The following AFAP1L2 variants were observed in gnomAD, a reference collection of about 807,000 sequenced individuals.
AFAP1L2 encodes the protein actin filament-associated protein 1-like 2.
A neutral mutation model predicts 99.3 loss-of-function variants in AFAP1L2; 46 were observed. The ratio of observed to expected loss-of-function variants is 0.46; its 90% CI spans 0.37 to 0.59. The LOEUF (loss-of-function observed/expected upper bound fraction) is 0.59. Among genes scored for constraint, AFAP1L2 ranks in the 20% least tolerant of loss-of-function variants. The probability of loss-of-function intolerance (pLI) is 0.00; values close to 1 mark genes in which losing one functional copy is unlikely to be tolerated. For missense variants in AFAP1L2, 959 were observed against 1,034.9 expected, an observed-to-expected ratio of 0.93 and a Z score of 1.01; for synonymous variants, 397 against 419.1, an observed-to-expected ratio of 0.95 and a Z score of 0.64.
chr10:114,289,461 G>C, the AFAP1L2 span: 3 of 1,614,238 alleles, frequency 1.9e-6, no homozygotes, highest in South Asian at 2.2e-5. Context: ...GGTACCACCA[G>C]GACGTGCTCA....
the AFAP1L2 span, chr10:114,281,851 T>C: frequency 1.4e-6 from 1 of 690,474 alleles, no homozygotes; most frequent in Non-Finnish European, 1.8e-6. Flanking sequence ...GAAAGTAACA[T>C]GTCTGTGGTC....
intron 2 of AFAP1L2, among the ~76,000 whole-genome samples, chr10:114,338,807 T>C (rs373293440): frequency 2.0e-5 from 3 of 152,344 alleles, no homozygotes; most frequent in East Asian, 3.9e-4. Flanking sequence ...TATCTTGTTT[T>C]GGGTGATCAG....
At chr10:114,314,626 C>T (rs925109531) in intron 6 of AFAP1L2, among the ~76,000 whole-genome samples, 1 of 152,134 alleles carries the variant, frequency 6.6e-6, no homozygotes, top group South Asian at 2.1e-4. Flanking sequence ...AACATTGGCA[C>T]GGAGCAGGGC....
chr10:114,286,178 A>G, the AFAP1L2 span: 1 of 1,614,064 alleles, frequency 6.2e-7, no homozygotes, highest in East Asian at 2.2e-5. Flanking sequence ...CCTCGATGGC[A>G]TTCCCTTCCG....
downstream of AFAP1L2, chr10:114,290,260 C>G: frequency 1.3e-6 from 2 of 1,550,574 alleles, no homozygotes; most frequent in South Asian, 2.4e-5. Flanking sequence ...GCCAGTCAAC[C>G]TCTGCAAACC....
downstream of AFAP1L2, among the ~76,000 whole-genome samples, chr10:114,290,784 GCT>G (rs1477460743): frequency 5.3e-5 from 8 of 152,280 alleles, no homozygotes; most frequent in African/African-American, 1.9e-4. Flanking sequence ...GCTGCTGGAA[GCT>G]CTTTTTGGGG....
At chr10:114,391,391 T>C (rs1006303823) in intron 1 of AFAP1L2, among the ~76,000 whole-genome samples, 3 of 152,168 alleles carry the variant, frequency 2.0e-5, no homozygotes, top group African/African-American at 7.2e-5. Flanking sequence ...GGCTAATTTT[T>C]GTATTTTTAG....
At chr10:114,300,837 G>T in intron 13 of AFAP1L2, 147 bp from the exon 14 acceptor site, 1 of 1,108,332 alleles carries the variant, frequency 9.0e-7, no homozygotes, top group African/African-American at 1.6e-5. Flanking sequence ...CACTGGCTGA[G>T]TCCTAGATAT....
intron 3 of AFAP1L2, among the ~76,000 whole-genome samples, chr10:114,332,280 C>T (rs1351824398): frequency 6.6e-6 from 1 of 152,222 alleles, no homozygotes; most frequent in East Asian, 1.9e-4. Context: ...GCAAGTGACC[C>T]CCGCCAGAGT....
At position 114,337,245 on chromosome 10, in the gene AFAP1L2, G is replaced by C. The variant is rs145275878; in HGVS notation, c.145+3358C>G. 9.3e-4 allele frequency among the ~76,000 whole-genome samples: 141 copies of C among 152,384 alleles called. 1 individual carries two copies. Among genetic ancestry groups the C allele is most frequent in the Middle Eastern group, 3.4e-3 (1 of 294 alleles). On this transcript the variant is annotated intron_variant, in intron 2 of 18. Coordinates refer to ENST00000304129, the MANE Select transcript of AFAP1L2 (RefSeq NM_001001936.3). ...TGCCCTCAGAGCCGTGTGCCCTCAG[G>C]CAAGTGACTTTCAGAGGCTTGGTTT... is the stretch of plus-strand genomic sequence containing the variant.
chr10:114,301,846 C>T (rs2041254810), intron 12 of AFAP1L2: 5 of 280,462 alleles, frequency 1.8e-5, no homozygotes, highest in Middle Eastern at 1.3e-3. Flanking sequence ...ACACTATCCC[C>T]GTTTGGTCCA....
At chr10:114,286,502 C>A in the AFAP1L2 span, 3 of 1,568,374 alleles carry the variant, frequency 1.9e-6, no homozygotes, top group African/African-American at 2.7e-5. Context: ...GTGCAGCCGG[C>A]AGCGGCCAGG....
intron 1 of AFAP1L2, among the ~76,000 whole-genome samples, chr10:114,373,207 C>T (rs1015715411): frequency 1.3e-5 from 2 of 152,164 alleles, no homozygotes; most frequent in Non-Finnish European, 1.5e-5. Flanking sequence ...CATGCCGCTG[C>T]ACTCCAGCCT....
chr10:114,403,126 G>A (rs2058378501), intron 1 of AFAP1L2, among the ~76,000 whole-genome samples: 2 of 152,210 alleles, frequency 1.3e-5, no homozygotes, highest in African/African-American at 2.4e-5. Flanking sequence ...GAAAACCACC[G>A]GGTTAGAAAT....
chr10:114,357,646 A>G (rs554463063), intron 1 of AFAP1L2, among the ~76,000 whole-genome samples: 1 of 152,346 alleles, frequency 6.6e-6, no homozygotes, highest in East Asian at 1.9e-4. Flanking sequence ...GGGGAAGATA[A>G]ACATGCAAAT....
chr10:114,336,473 G>A (rs1402126586), intron 2 of AFAP1L2, among the ~76,000 whole-genome samples: 4 of 152,228 alleles, frequency 2.6e-5, no homozygotes, highest in Non-Finnish European at 5.9e-5. Context: ...AGACATACCT[G>A]AATCTGATCG....
chr10:114,296,989 G>T lies in AFAP1L2; in HGVS notation c.2419C>A (p.Gln807Lys). 1 of 1,614,176 alleles carries T rather than the reference G, an allele frequency of 6.2e-7. No individual in the cohort carries two copies. The highest frequency in any genetic ancestry group is 8.5e-7 in the Non-Finnish European group (1 of 1,180,030). ...VVVTGKGTVL[Q>K]KAKEWEKKGA... ...GAGTGACTGCTTACCTTGGCTTTCTGGAGTACAGTGCCTTTGCCTGTGACC... is the reference window on the plus strand; with the variant it reads ...GAGTGACTGCTTACCTTGGCTTTCTTGAGTACAGTGCCTTTGCCTGTGACC... The change falls in exon 18 of 19, where the codon CAG (glutamine) becomes AAG (lysine). Residue 807 changes from glutamine (Q) to lysine (K), a missense_variant. Gln to Lys is a moderately conservative substitution (Grantham distance 53, BLOSUM62 1). Around this residue, in one of 2 missense-constraint regions of AFAP1L2, gnomAD observed 576 missense variants for 562.1 expected, o/e 1.02. Transcript: ENST00000304129.
chr10:114,285,528 C>G, the AFAP1L2 span, among the ~76,000 whole-genome samples: 1 of 152,228 alleles, frequency 6.6e-6, no homozygotes, highest in African/African-American at 2.4e-5. Flanking sequence ...AATCTTGACC[C>G]TGTACCTCAC....
chr10:114,384,210 A>G (rs2056162317), intron 1 of AFAP1L2, among the ~76,000 whole-genome samples: 1 of 152,208 alleles, frequency 6.6e-6, no homozygotes, highest in Admixed American at 6.5e-5. Context: ...CTGATTATTC[A>G]GGACCTTTCT....
Sources: allele counts gnomAD v4.1 joint callset (sites outside exome capture counted in the v4.1 genomes callset), GRCh38; gene constraint gnomAD v4.1.1; regional missense constraint gnomAD v4.1.1; transcripts MANE v1.5; gene names NCBI Gene and HGNC (gene_info 2026-07-23, HGNC 2026-07-21).